The following FEZF1 variants were observed in gnomAD, a reference collection of about 807,000 sequenced individuals.
The protein encoded by FEZF1 is fez family zinc finger protein 1.
In FEZF1, 8 loss-of-function variants were observed where a neutral mutation model predicts 32.4. That is an observed-to-expected ratio of 0.25 (90% confidence interval 0.15 to 0.45). FEZF1 has a LOEUF of 0.45. Ranked by LOEUF, FEZF1 falls within the 20% of genes least tolerant of loss-of-function variation. The pLI, the probability that FEZF1 is intolerant of heterozygous loss-of-function variation, is 1.00. For synonymous variants in FEZF1, 259 were observed against 265.2 expected, an observed-to-expected ratio of 0.98 and a Z score of 0.23; for missense variants, 546 against 622.3, an observed-to-expected ratio of 0.88 and a Z score of 1.31.
At chr7:122,309,054 G>T (rs941729906), upstream of FEZF1, among the ~76,000 whole-genome samples, 6 of 152,170 alleles carry the variant, frequency 3.9e-5, no homozygotes, top group Non-Finnish European at 8.8e-5. Context: ...AGGGTGACGG[G>T]ATGGGACACA....
rs772451169 is a variant in FEZF1, at chr7:122,303,890, G to A, written c.548C>T (p.Ser183Phe). Residue 183 changes from serine to phenylalanine, a missense_variant, in exon 1 of 4, where the codon TCC becomes TTC. Transcript: ENST00000442488. ...AAGVNIHPVASYFLSSPLHPQ... is the reference protein window; with the variant it reads ...AAGVNIHPVAFYFLSSPLHPQ... ...GTGCAAAGGGGAACTGAGGAAGTAG[G>A]AGGCCACCGGGTGGATGTTCACGCC... The A allele has an allele frequency of 6.2e-7, 1 of 1,613,922 alleles. No individual in the cohort carries two copies. The highest frequency in any genetic ancestry group is 8.5e-7 in the Non-Finnish European group (1 of 1,179,918).
At chr7:122,304,866 G>T (rs1292112576), upstream of FEZF1, 1 of 156,454 alleles carries the variant, frequency 6.4e-6, no homozygotes, top group East Asian at 1.9e-4. Flanking sequence ...AAAGGCGGGG[G>T]CGCTTTCACC....
chr7:122,303,334 A>C (rs373287786), intron 1 of FEZF1, 23 bp from the exon 2 acceptor site: 56 of 1,612,970 alleles, frequency 3.5e-5, no homozygotes, highest in Non-Finnish European at 4.4e-5. Flanking sequence ...CACACGTAGA[A>C]CAGGTTAGCC....
chr7:122,304,396 C>A lies in FEZF1; in HGVS notation c.42G>T (p.Ala14=). The change falls in exon 1 of 4, where the codon GCG becomes GCT. Residue 14 remains alanine, a synonymous_variant. Transcript: ENST00000442488. ...SCHNATTKML[A]TAPARGNMMS... Reference sequence around the variant, plus strand: ...TCATGTTGCCCCGAGCTGGAGCAGTCGCTAACATTTTGGTAGTCGCGTTGT... The same window carrying A: ...TCATGTTGCCCCGAGCTGGAGCAGTAGCTAACATTTTGGTAGTCGCGTTGT... 2 of 1,584,016 alleles carry A rather than the reference C, an allele frequency of 1.3e-6. No homozygotes were observed. The highest frequency in any genetic ancestry group is 1.1e-5 in the South Asian group (1 of 88,468).
At position 122,304,277 on chromosome 7, in the gene FEZF1, C is replaced by G. The variant is rs1414114706; in HGVS notation, c.161G>C (p.Gly54Ala). The G allele has an allele frequency of 6.2e-7, 1 of 1,610,820 alleles. No individual in the cohort carries two copies. Among genetic ancestry groups the G allele is most frequent in the South Asian group, 1.1e-5 (1 of 90,728 alleles). Reference protein sequence around the residue: ...KALPVPHFLQGALPKGEPKHS... With the variant: ...KALPVPHFLQAALPKGEPKHS... Reference sequence around the variant, plus strand: ...CTTGGGTTCCCCCTTGGGTAAGGCTCCCTGCAGGAAGTGGGGGACTGGCAG... The same window carrying G: ...CTTGGGTTCCCCCTTGGGTAAGGCTGCCTGCAGGAAGTGGGGGACTGGCAG... The change falls in exon 1 of 4, where the codon GGA (glycine) becomes GCA (alanine). Residue 54 changes from glycine (G) to alanine (A), a missense_variant. By Grantham distance (60) the Gly-to-Ala change is moderately conservative. Transcript: ENST00000442488.
In FEZF1 at chr7:122,304,567, C is replaced by G. The variant is rs1305725995; in HGVS notation, c.-130G>C. On this transcript the variant is annotated 5_prime_UTR_variant, in exon 1 of 4. Coordinates refer to ENST00000442488, the MANE Select transcript of FEZF1 (RefSeq NM_001024613.4). ...CCAGTAGCCTCCTCCTCCTCCTCCTCCCCAGCATCACCAGCCGAACCTGCC... is the reference window on the plus strand; with the variant it reads ...CCAGTAGCCTCCTCCTCCTCCTCCTGCCCAGCATCACCAGCCGAACCTGCC... The G allele has an allele frequency of 1.4e-6, 1 of 690,582 alleles. No individual in the cohort carries two copies. The allele number at this position is 690,582 out of a possible 1,614,324, so 42.8% of individuals were successfully genotyped here. A position where few individuals can be genotyped will look rare whatever the true frequency, so the allele number is the denominator to read the frequency against.
At position 122,304,146 on chromosome 7, in the gene FEZF1, C is replaced by G; in HGVS notation, c.292G>C (p.Ala98Pro). The G allele has an allele frequency of 6.2e-7, 1 of 1,602,682 alleles. No individual in the cohort carries two copies. Among genetic ancestry groups the G allele is most frequent in the Non-Finnish European group, 8.5e-7 (1 of 1,173,270 alleles). The change falls in exon 1 of 4, where the codon GCC becomes CCC. Residue 98 changes from alanine to proline, a missense_variant. By Grantham distance (27) the Ala-to-Pro change is conservative. Around this residue, in one of 3 missense-constraint regions of FEZF1, gnomAD observed 345 missense variants for 360.6 expected, o/e 0.96. Transcript: ENST00000442488. ...AGVTGSEPRKASLEAPAAPAA... is the reference protein window; with the variant it reads ...AGVTGSEPRKPSLEAPAAPAA... ...GGCGCCGCCGGGGCCTCCAGACTGG[C>G]CTTCCGCGGCTCGGAGCCCGTCACT...
chr7:122,307,978 T>G (rs1274555312), upstream of FEZF1, among the ~76,000 whole-genome samples: 1 of 152,234 alleles, frequency 6.6e-6, no homozygotes, highest in Non-Finnish European at 1.5e-5. Context: ...CAAATATATT[T>G]GAAAATAACA....
In FEZF1 at chr7:122,304,682, G is replaced by T; in HGVS notation, c.-245C>A. 1 of 429,338 alleles carries T rather than the reference G, an allele frequency of 2.3e-6. No homozygotes were observed. Among genetic ancestry groups the T allele is most frequent in the Non-Finnish European group, 4.2e-6 (1 of 235,910 alleles). 26.6% of individuals were successfully genotyped at this position (429,338 alleles called of 1,614,324 possible). On this transcript the variant is annotated 5_prime_UTR_variant, in exon 1 of 4. Transcript: ENST00000442488. ...CAATCACTACTTATTTCTATCAATA[G>T]AAAGTGTTGTGTCAATAACGCAGCC...
rs746965731 is a variant in FEZF1, at chr7:122,304,483, C to A, written c.-46G>T. The A allele has an allele frequency of 2.0e-6, 3 of 1,486,030 alleles. No individual in the cohort carries two copies. Among genetic ancestry groups the A allele is most frequent in the Non-Finnish European group, 2.7e-6 (3 of 1,106,564 alleles). 92.1% of individuals were successfully genotyped at this position (1,486,030 alleles called of 1,614,324 possible). On this transcript the variant is annotated 5_prime_UTR_variant, in exon 1 of 4. Transcript: ENST00000442488. ...TCAGCCGGGGCTGGGTTGCGCCGTC[C>A]GTTGCCTTGTTCCCTGCTTGTCACA...
In FEZF1 at chr7:122,302,261, G is replaced by A. The variant is rs142377395; in HGVS notation, c.1164C>T (p.Thr388=). 1,055 of 1,614,220 alleles carry A rather than the reference G, an allele frequency of 6.5e-4. 7 individuals carry two copies. The highest frequency in any genetic ancestry group is 4.8e-3 in the South Asian group (438 of 91,086). ...TGTCGTTGTGGGTGTGCATGTGGAA[G>A]GTGAGGTTGTAAACCTGGTGGAAAG... The part of the protein sequence containing the change: ...NKAFHQVYNL[T]FHMHTHNDKK... Residue 388 remains threonine (T), a synonymous_variant, in exon 4 of 4, where the codon ACC becomes ACT. Coordinates refer to ENST00000442488, the MANE Select transcript of FEZF1 (RefSeq NM_001024613.4). This position sits in a 1 kb window ranked among gnomAD's most constrained non-coding sequence, Gnocchi z 4.4.
rs1452268613 is a variant in FEZF1, at chr7:122,304,487, G to T, written c.-50C>A. 2 of 1,475,652 alleles carry T rather than the reference G, an allele frequency of 1.4e-6. No homozygotes were observed. The highest frequency in any genetic ancestry group is 2.8e-5 in the African/African-American group (2 of 71,224). The allele number at this position is 1,475,652 out of a possible 1,614,324, so 91.4% of individuals were successfully genotyped here. A position where few individuals can be genotyped will look rare whatever the true frequency, so the allele number is the denominator to read the frequency against. ...CCGGGGCTGGGTTGCGCCGTCCGTT[G>T]CCTTGTTCCCTGCTTGTCACAGACC... is the stretch of plus-strand genomic sequence containing the variant. On this transcript the variant is annotated 5_prime_UTR_variant, in exon 1 of 4. Transcript: ENST00000442488.
In FEZF1 at chr7:122,302,250, T is replaced by G; in HGVS notation, c.1175A>C (p.His392Pro). ...GAAAGGCTTCTTGTCGTTGTGGGTG[T>G]GCATGTGGAAGGTGAGGTTGTAAAC... The part of the protein sequence containing the change: ...HQVYNLTFHM[H>P]THNDKKPFTC... Residue 392 changes from histidine to proline, a missense_variant, in exon 4 of 4, where the codon CAC becomes CCC. Transcript: ENST00000442488. The surrounding 1 kb of genome is among the most constrained non-coding windows in gnomAD (Gnocchi z 4.4). 2 of 1,614,102 alleles carry G rather than the reference T, an allele frequency of 1.2e-6. 1 individual carries two copies. The highest frequency in any genetic ancestry group is 2.2e-5 in the South Asian group (2 of 91,084).
At chr7:122,303,413 T>G (rs1478689866) in intron 1 of FEZF1, 102 bp from the exon 2 acceptor site, 103 of 1,412,694 alleles carry the variant, frequency 7.3e-5, no homozygotes, top group Non-Finnish European at 4.9e-6. Flanking sequence ...ACAAAAAGTG[T>G]ATGCAAATAA....
At position 122,303,953 on chromosome 7, in the gene FEZF1, T is replaced by G. The variant is rs1309578849; in HGVS notation, c.485A>C (p.Tyr162Ser). 6.2e-7 allele frequency: 1 copy of G among 1,602,528 alleles called. No homozygotes were observed. The highest frequency in any genetic ancestry group is 1.1e-5 in the South Asian group (1 of 89,870). The change falls in exon 1 of 4, where the codon TAC becomes TCC. Residue 162 changes from tyrosine to serine, a missense_variant. Physicochemically the swap from Tyr to Ser is moderately radical, Grantham distance 144 (BLOSUM62 -2). Coordinates refer to ENST00000442488, the MANE Select transcript of FEZF1 (RefSeq NM_001024613.4). ...GCATGGGCCGTCACCTCGGTTCAGG[T>G]AGCACAAGGCGCCCATGGCGTGGAA... The part of the protein sequence containing the change: ...SSFHAMGALC[Y>S]LNRGDGPCHP...
Position 122,304,512 on chromosome 7 carries a change from C to G in FEZF1, c.-75G>C. On this transcript the variant is annotated 5_prime_UTR_variant, in exon 1 of 4. Transcript: ENST00000442488. ...GCCTTGTTCCCTGCTTGTCACAGAC[C>G]TGCGGAGAGGGGGACGGGCACCATC... 1 of 1,316,448 alleles carries G rather than the reference C, an allele frequency of 7.6e-7. No homozygotes were observed. The highest frequency in any genetic ancestry group is 1.0e-6 in the Non-Finnish European group (1 of 973,534). The allele number at this position is 1,316,448 out of a possible 1,614,324, so 81.5% of individuals were successfully genotyped here. A position where few individuals can be genotyped will look rare whatever the true frequency, so the allele number is the denominator to read the frequency against.
At position 122,303,160 on chromosome 7, in the gene FEZF1, G is replaced by A. The variant is rs1250293488; in HGVS notation, c.936+17C>T. 1.2e-6 allele frequency: 2 copies of A among 1,613,944 alleles called. No individual in the cohort carries two copies. The highest frequency in any genetic ancestry group is 1.7e-6 in the Non-Finnish European group (2 of 1,179,952). On this transcript the variant is annotated intron_variant, in intron 2 of 3. Transcript: ENST00000442488. ...GTTCGGAAGCAAACTAGGTGAAATT[G>A]AGACAGATGAACACACCTGCGTGTG...
rs6968786 is a variant in FEZF1 at position 122,302,793 on chromosome 7, G to C, written c.1069+6C>G. ...AACCATGAGAGACATTTCCTGGTTT[G>C]CATACCTTTTTGATGAAACCCTTTG... On this transcript the variant is annotated splice_donor_region_variant and intron_variant, in intron 3 of 3. Transcript: ENST00000442488. This position sits in a 1 kb window ranked among gnomAD's most constrained non-coding sequence, Gnocchi z 4.4. 0.67 allele frequency: 1,073,361 copies of C among 1,611,538 alleles called. 359,229 individuals carry two copies. Among genetic ancestry groups the C allele is most frequent in the Non-Finnish European group, 0.68 (799,428 of 1,178,046 alleles).
chr7:122,306,272 C>A (rs1010184740), upstream of FEZF1: 46 of 152,794 alleles, frequency 3.0e-4, 1 homozygote, highest in Non-Finnish European at 3.2e-4. Flanking sequence ...GGTGAGTTAA[C>A]CCCACGTGGC....
Sources: allele counts gnomAD v4.1 joint callset (sites outside exome capture counted in the v4.1 genomes callset), GRCh38; gene constraint gnomAD v4.1.1; regional missense constraint gnomAD v4.1.1; non-coding constraint Gnocchi (gnomAD v3.1); transcripts MANE v1.5; gene names NCBI Gene and HGNC (gene_info 2026-07-23, HGNC 2026-07-21).